The following DRAM1 variants were observed in gnomAD, a reference collection of about 807,000 sequenced individuals.
The protein encoded by DRAM1 is DNA damage regulated autophagy modulator 1.
DRAM1 carries 25 observed loss-of-function variants against 28.5 expected under a neutral mutation model. That is an observed-to-expected ratio of 0.88 (90% confidence interval 0.64 to 1.23). The LOEUF (loss-of-function observed/expected upper bound fraction) is 1.23. Ranked by LOEUF, DRAM1 falls within the 50% of genes most tolerant of loss-of-function variation. The pLI is 0.00. For synonymous variants in DRAM1, 113 were observed against 114.2 expected (o/e 0.99, Z 0.07); for missense variants, 249 against 299.2 (o/e 0.83, Z 1.24).
intron 4 of DRAM1, among the ~76,000 whole-genome samples, chr12:101,911,545 C>G (rs1874041109): frequency 6.6e-6 from 1 of 152,096 alleles, no homozygotes; most frequent in Non-Finnish European, 1.5e-5. Flanking sequence ...GTTTGTTGTC[C>G]TCTGTTTTTA....
intron 1 of DRAM1, among the ~76,000 whole-genome samples, chr12:101,878,960 C>G (rs1872594502): frequency 6.6e-6 from 1 of 151,654 alleles, no homozygotes; most frequent in South Asian, 2.1e-4. Flanking sequence ...AAAGGGGAAA[C>G]AAAGATCGAG....
chr12:101,887,554 G>A (rs1043151785), intron 1 of DRAM1, among the ~76,000 whole-genome samples: 4 of 145,768 alleles, frequency 2.7e-5, no homozygotes, highest in Non-Finnish European at 6.0e-5. Context: ...TTTTTGAGAC[G>A]AAGTCTCACT....
At chr12:101,920,297 C>CTTTTTTTTTTTTTTTTTTTTTTTTTTTT in intron 6 of DRAM1, 96 bp downstream of exon 6, 1 of 238,634 alleles carries the variant, frequency 4.2e-6, no homozygotes, top group South Asian at 6.9e-5. Flanking sequence ...AGAGCACTTT[C>CTTTTTTTTTTTTTTTTTTTTTTTTTTTT]TTTTTTTTTT....
intron 2 of DRAM1, among the ~76,000 whole-genome samples, chr12:101,898,975 G>A (rs1594300973): frequency 6.6e-6 from 1 of 152,174 alleles, no homozygotes; most frequent in African/African-American, 2.4e-5. Flanking sequence ...GATATCAGAT[G>A]TGGGGCATTT....
At chr12:101,893,341 T>C (rs996569360) in intron 1 of DRAM1, among the ~76,000 whole-genome samples, 18 of 152,322 alleles carry the variant, frequency 1.2e-4, no homozygotes, top group East Asian at 3.9e-4. Flanking sequence ...GTTTTTTTGT[T>C]TTGGTTCTTT....
chr12:101,881,645 C>T (rs577380119), intron 1 of DRAM1, among the ~76,000 whole-genome samples: 2 of 152,282 alleles, frequency 1.3e-5, no homozygotes, highest in South Asian at 4.1e-4. Context: ...CAGGTGTTCT[C>T]CCTGCAGCTA....
chr12:101,892,286 T>C (rs1490502188), intron 1 of DRAM1, among the ~76,000 whole-genome samples: 1 of 151,670 alleles, frequency 6.6e-6, no homozygotes, highest in African/African-American at 2.4e-5. Flanking sequence ...CCCAGGCTGG[T>C]ATGCAGTGGT....
In DRAM1 at chr12:101,901,359, C is replaced by T; in HGVS notation, c.268C>T (p.Pro90Ser). ...KQNQTCYFST[P>S]VFNLVSLVLG... ...AAATCAAACCTGCTATTTCAGCACT[C>T]CTGTTTTTAACTTGGTGTCTTTAGT... Residue 90 changes from proline (P) to serine (S), a missense_variant, in exon 3 of 7, where the codon CCT (proline) becomes TCT (serine). Pro to Ser is a moderately conservative substitution (Grantham distance 74, BLOSUM62 -1). Transcript: ENST00000258534. 2 of 1,614,094 alleles carry T rather than the reference C, an allele frequency of 1.2e-6. No homozygotes were observed. The highest frequency in any genetic ancestry group is 2.2e-5 in the South Asian group (2 of 91,064).
intron 1 of DRAM1, among the ~76,000 whole-genome samples, chr12:101,891,100 A>G (rs1873112083): frequency 6.6e-6 from 1 of 152,214 alleles, no homozygotes; most frequent in South Asian, 2.1e-4. Context: ...CCAGAAAGTT[A>G]GCTCTCGTAA....
At chr12:101,916,256 T>A (rs1036115316) in intron 5 of DRAM1, among the ~76,000 whole-genome samples, 2 of 152,226 alleles carry the variant, frequency 1.3e-5, no homozygotes, top group Admixed American at 1.3e-4. Flanking sequence ...TTCATGCCTG[T>A]AATCCCAGCA....
At chr12:101,885,147 G>T (rs896679294) in intron 1 of DRAM1, among the ~76,000 whole-genome samples, 6 of 152,100 alleles carry the variant, frequency 3.9e-5, no homozygotes, top group African/African-American at 1.4e-4. Flanking sequence ...TGGTCAGGCT[G>T]GTCTTGAACT....
At chr12:101,919,273 G>GACACACACACGCAC (rs1255075630) in intron 5 of DRAM1, among the ~76,000 whole-genome samples, 1 of 148,828 alleles carries the variant, frequency 6.7e-6, no homozygotes, top group Non-Finnish European at 1.5e-5. Context: ...CAGACACACA[G>GACACACACACGCAC]ACACACACAC....
At chr12:101,889,918 T>A (rs559646787) in intron 1 of DRAM1, among the ~76,000 whole-genome samples, 110 of 123,176 alleles carry the variant, frequency 8.9e-4, no homozygotes, top group Non-Finnish European at 1.5e-3. Flanking sequence ...CCAGCCTGGA[T>A]GACAAGAGTT....
At chr12:101,895,303 G>A (rs750442775) in intron 1 of DRAM1, among the ~76,000 whole-genome samples, 3 of 142,792 alleles carry the variant, frequency 2.1e-5, no homozygotes, top group African/African-American at 5.2e-5. Flanking sequence ...TCAGTCTCCC[G>A]AGTAGCTTGG....
rs61748065 is a variant in DRAM1, at chr12:101,908,245, C to T, written c.402C>T (p.Val134=). Residue 134 remains valine (V), a synonymous_variant, in exon 4 of 7, where the codon GTC becomes GTT. Coordinates refer to ENST00000258534, the MANE Select transcript of DRAM1 (RefSeq NM_018370.3). The part of the protein sequence containing the change: ...GGALLAFVCG[V]VYTLLQSIIS... The stretch of plus-strand genomic sequence containing the variant: ...CTCTTTTGGCCTTTGTCTGTGGTGT[C>T]GTGTACACGCTCCTACAGTCCATCA... 3.0e-5 allele frequency: 49 copies of T among 1,613,842 alleles called. No individual in the cohort carries two copies. The highest frequency in any genetic ancestry group is 5.3e-5 in the African/African-American group (4 of 74,880).
At chr12:101,896,366 C>T (rs1314316673) in intron 1 of DRAM1, among the ~76,000 whole-genome samples, 1 of 152,194 alleles carries the variant, frequency 6.6e-6, no homozygotes, top group Non-Finnish European at 1.5e-5. Context: ...TGTAGAAACA[C>T]TCAAAATGAG....
intron 4 of DRAM1, among the ~76,000 whole-genome samples, chr12:101,909,457 A>G (rs886697736): frequency 6.6e-6 from 1 of 152,148 alleles, no homozygotes; most frequent in African/African-American, 2.4e-5. Context: ...GTGCTTGGCT[A>G]AAGACACCAA....
At chr12:101,880,477 C>T (rs971007271) in intron 1 of DRAM1, among the ~76,000 whole-genome samples, 2 of 151,574 alleles carry the variant, frequency 1.3e-5, no homozygotes, top group South Asian at 4.2e-4. Context: ...TTAGTAGAGA[C>T]GGGGTTTCAC....
intron 6 of DRAM1, among the ~76,000 whole-genome samples, chr12:101,920,988 G>A (rs1222989424): frequency 6.6e-6 from 1 of 152,184 alleles, no homozygotes; most frequent in Non-Finnish European, 1.5e-5. Context: ...GATAGAAGAT[G>A]GGACTATATC....
Sources: gnomAD v4.1 joint callset for allele counts (sites outside exome capture counted in the v4.1 genomes callset) on GRCh38, gnomAD v4.1.1 for gene constraint, MANE v1.5 for transcripts, NCBI Gene and HGNC (gene_info 2026-07-23, HGNC 2026-07-21) for gene names.